ASPHD1: variants seen among roughly 807,000 people sequenced by gnomAD.
ASPHD1 encodes the protein aspartate beta-hydroxylase domain-containing protein 1.
A neutral mutation model predicts 28.3 loss-of-function variants in ASPHD1; 20 were observed. That is an observed-to-expected ratio of 0.71 (90% CI 0.50 to 1.03). The LOEUF (loss-of-function observed/expected upper bound fraction) is 1.03. Ranked by LOEUF, ASPHD1 falls within the 50% of genes least tolerant of loss-of-function variation. The pLI is 0.00. For synonymous variants in ASPHD1, 240 were observed against 221.2 expected (o/e 1.08, Z -0.75); for missense variants, 479 against 524.1 (o/e 0.91, Z 0.84).
At chr16:29,903,181 C>A (rs905643839) in intron 1 of ASPHD1, among the ~76,000 whole-genome samples, 3 of 151,348 alleles carry the variant, frequency 2.0e-5, no homozygotes, top group African/African-American at 7.3e-5. Context: ...ATGGAGAAAT[C>A]CTGTCTCTAC....
intron 3 of ASPHD1, among the ~76,000 whole-genome samples, chr16:29,917,694 G>A (rs913196982): frequency 1.3e-5 from 2 of 152,100 alleles, no homozygotes; most frequent in South Asian, 4.1e-4. Flanking sequence ...CAGGAGAATC[G>A]CTTGAACCCG....
intron 3 of ASPHD1, chr16:29,914,259 G>A (rs1302030904): frequency 6.6e-6 from 1 of 152,030 alleles, no homozygotes; most frequent in Admixed American, 6.6e-5. Context: ...GGCCACCGCT[G>A]GCTCTCAGTG....
chr16:29,917,014 G>C (rs1039059954), intron 3 of ASPHD1, among the ~76,000 whole-genome samples: 2 of 152,222 alleles, frequency 1.3e-5, no homozygotes, highest in African/African-American at 4.8e-5. Flanking sequence ...CTCAAAGAGA[G>C]GCAGAAGCTG....
At chr16:29,915,261 G>A (rs1043035448) in intron 3 of ASPHD1, 1 of 152,260 alleles carries the variant, frequency 6.6e-6, no homozygotes, top group Non-Finnish European at 1.5e-5. Context: ...TTCAGTCCAA[G>A]CTGGCAGTGT....
intron 1 of ASPHD1, among the ~76,000 whole-genome samples, chr16:29,904,452 A>T (rs995762616): frequency 6.6e-6 from 1 of 151,784 alleles, no homozygotes; most frequent in Non-Finnish European, 1.5e-5. Flanking sequence ...CTCAAAAAAA[A>T]AAACAAAACA....
In ASPHD1 at chr16:29,901,591, G is replaced by T. The variant is rs771768992; in HGVS notation, c.620G>T (p.Arg207Leu). The change falls in exon 1 of 3, where the codon CGG becomes CTG. Residue 207 changes from arginine to leucine, a missense_variant. Transcript: ENST00000308748. This position sits in a 1 kb window ranked among gnomAD's most constrained non-coding sequence, Gnocchi z 5.1. ...CCCTTTGTGCCGCGGGACGCCCAGCGGCACGACGTGGAGCTCCTGGAGAGC... is the reference window on the plus strand; with the variant it reads ...CCCTTTGTGCCGCGGGACGCCCAGCTGCACGACGTGGAGCTCCTGGAGAGC... ...SAPFVPRDAQ[R>L]HDVELLESSF... is the part of the protein sequence containing the mutation. 2 of 1,543,424 alleles carry T rather than the reference G, an allele frequency of 1.3e-6. No homozygotes were observed. The highest frequency in any genetic ancestry group is 2.3e-5 in the East Asian group (1 of 44,386).
At chr16:29,911,703 G>A in intron 3 of ASPHD1, 1 of 1,151,444 alleles carries the variant, frequency 8.7e-7, no homozygotes, top group Non-Finnish European at 1.3e-6. Flanking sequence ...TCTGCGAGCA[G>A]GCACAGATGT....
chr16:29,901,491 G>A lies in ASPHD1; in HGVS notation c.520G>A (p.Gly174Ser). ...RVRRAAQGGP[G>S]PGRGPGVLGI... Reference sequence around the variant, plus strand: ...GAGGCGGGCAGCTCAGGGTGGCCCAGGCCCTGGGAGAGGGCCAGGGGTCCT... The same window carrying A: ...GAGGCGGGCAGCTCAGGGTGGCCCAAGCCCTGGGAGAGGGCCAGGGGTCCT... The change falls in exon 1 of 3, where the codon GGC (glycine) becomes AGC (serine). Residue 174 changes from glycine to serine, a missense_variant. By Grantham distance (56) the Gly-to-Ser change is moderately conservative (BLOSUM62 0). Transcript: ENST00000308748. The surrounding 1 kb of genome is among the most constrained non-coding windows in gnomAD (Gnocchi z 5.1). 6.3e-7 allele frequency: 1 copy of A among 1,592,208 alleles called. No homozygotes were observed. Among genetic ancestry groups the A allele is most frequent in the East Asian group, 2.2e-5 (1 of 44,774 alleles).
chr16:29,906,075 G>T, downstream of ASPHD1: 1 of 498,748 alleles, frequency 2.0e-6, no homozygotes, highest in Non-Finnish European at 3.5e-6. Context: ...TACTTCCTTC[G>T]CAGGGAGAGG....
chr16:29,901,348 G>T lies in ASPHD1; in HGVS notation c.377G>T (p.Gly126Val), dbSNP rs779075545. ...GGGCCTGTGGGATGCTCGGAGGCCG[G>T]CGGGCCAAGCCCAGGGGGTCCTGGG... ...RGGPVGCSEA[G>V]GPSPGGPGDP... Residue 126 changes from glycine (G) to valine (V), a missense_variant, in exon 1 of 3, where the codon GGC becomes GTC. Physicochemically the swap from Gly to Val is moderately radical, Grantham distance 109 (BLOSUM62 -3). Transcript: ENST00000308748. The surrounding 1 kb of genome is among the most constrained non-coding windows in gnomAD (Gnocchi z 5.1). 6.2e-7 allele frequency: 1 copy of T among 1,601,640 alleles called. No individual in the cohort carries two copies. The highest frequency in any genetic ancestry group is 8.5e-7 in the Non-Finnish European group (1 of 1,174,900).
In ASPHD1 at chr16:29,904,854, C is replaced by T; in HGVS notation, c.952C>T (p.Leu318=). The change falls in exon 2 of 3, where the codon CTA becomes TTA. Residue 318 remains leucine, a splice_region_variant and synonymous_variant. Coordinates refer to ENST00000308748, the MANE Select transcript of ASPHD1 (RefSeq NM_181718.4). Reference sequence around the variant, plus strand: ...GATGCCCGCGTCTCTTCTTACAGGCCTAAAGATCCCTCCTGGCTGTGAGCT... The same window carrying T: ...GATGCCCGCGTCTCTTCTTACAGGCTTAAAGATCCCTCCTGGCTGTGAGCT... ...TNARVRCHLG[L]KIPPGCELVV... is the part of the protein sequence containing the mutation. 1 of 1,610,548 alleles carries T rather than the reference C, an allele frequency of 6.2e-7. No homozygotes were observed. Among genetic ancestry groups the T allele is most frequent in the South Asian group, 1.1e-5 (1 of 90,640 alleles).
intron 3 of ASPHD1, chr16:29,912,239 C>A: frequency 1.6e-6 from 1 of 616,642 alleles, no homozygotes; most frequent in African/African-American, 1.9e-5. Flanking sequence ...CCACGGACAC[C>A]TTGCTGCTTC....
chr16:29,909,013 T>C (rs2068660058), downstream of ASPHD1, among the ~76,000 whole-genome samples: 1 of 151,962 alleles, frequency 6.6e-6, no homozygotes, highest in South Asian at 2.1e-4. Flanking sequence ...CTTCCTATCT[T>C]CCCAATCAGA....
chr16:29,916,634 C>G (rs1288017374), intron 3 of ASPHD1, among the ~76,000 whole-genome samples: 1 of 152,036 alleles, frequency 6.6e-6, no homozygotes, highest in African/African-American at 2.4e-5. Context: ...GAGGCCAAGG[C>G]TGGAGGACTG....
chr16:29,918,185 G>A (rs1384971017), intron 3 of ASPHD1, among the ~76,000 whole-genome samples: 1 of 152,190 alleles, frequency 6.6e-6, no homozygotes, highest in East Asian at 1.9e-4. Context: ...TACTGGTTCA[G>A]GTAAGGATTA....
At chr16:29,906,511 C>A (rs1188100823), downstream of ASPHD1, 1 of 478,626 alleles carries the variant, frequency 2.1e-6, no homozygotes, top group Admixed American at 2.3e-5. Context: ...ACGCGGGAGG[C>A]TGCTCAGACT....
intron 3 of ASPHD1, chr16:29,913,286 C>T (rs879462732): frequency 9.9e-5 from 15 of 152,132 alleles, no homozygotes; most frequent in Admixed American, 1.3e-4. Context: ...GCCGACCCTG[C>T]CAGATATTAA....
At chr16:29,911,879 G>A in intron 3 of ASPHD1, 3 of 1,612,344 alleles carry the variant, frequency 1.9e-6, no homozygotes, top group Non-Finnish European at 1.7e-6. Context: ...TGGCGGGGGA[G>A]AGAGGATGGA....
intron 3 of ASPHD1, chr16:29,913,444 G>C (rs2068752744): frequency 6.6e-6 from 1 of 152,134 alleles, no homozygotes; most frequent in Non-Finnish European, 1.5e-5. Flanking sequence ...ATGTGCGAGG[G>C]GAATTACGGA....
Sources: allele counts gnomAD v4.1 joint callset (sites outside exome capture counted in the v4.1 genomes callset), GRCh38; gene constraint gnomAD v4.1.1; non-coding constraint Gnocchi (gnomAD v3.1); transcripts MANE v1.5; gene names NCBI Gene and HGNC (gene_info 2026-07-23, HGNC 2026-07-21).